CRB1: variants seen among roughly 807,000 people sequenced by gnomAD.
CRB1 encodes protein crumbs homolog 1.
CRB1 carries 83 observed loss-of-function variants against 120.0 expected under a neutral mutation model. The observed-to-expected ratio is 0.69, with a 90% confidence interval of 0.58 to 0.83. The LOEUF (loss-of-function observed/expected upper bound fraction) is 0.83, where lower values mean the gene tolerates loss of function less well. Ranked by LOEUF, CRB1 falls within the 40% of genes least tolerant of loss-of-function variation. CRB1 has a pLI of 0.00. For synonymous variants in CRB1, 625 were observed against 612.5 expected (o/e 1.02, Z -0.30); for missense variants, 1,699 against 1,687.6 (o/e 1.01, Z -0.12).
intron 11 of CRB1, among the ~76,000 whole-genome samples, chr1:197,452,921 A>G (rs1394133515): frequency 6.6e-6 from 1 of 152,216 alleles, no homozygotes; most frequent in Non-Finnish European, 1.5e-5. Context: ...TTTCAAAGAC[A>G]TATCTGCATT....
intron 5 of CRB1, chr1:197,364,044 G>A (rs1660930848): frequency 7.3e-7 from 1 of 1,373,540 alleles, no homozygotes; most frequent in Non-Finnish European, 1.0e-6. Context: ...ACTTCTTGAT[G>A]CGAAAGAATC....
At position 197,335,387 on chromosome 1, in the gene CRB1, C is replaced by T. The variant is rs374230847; in HGVS notation, c.652+6384C>T. Among the ~76,000 whole-genome samples, 15 of 152,092 alleles carry T rather than the reference C, an allele frequency of 9.9e-5. No homozygotes were observed. In the East Asian group the frequency reaches 1.9e-3, roughly 20 times the overall value. ...TATGTTGAAGATACACTGCAGGGGG[C>T]GATAAGCATGGAATTCAAGTGTCTA... On this transcript the variant is annotated intron_variant, in intron 2 of 11. Coordinates refer to ENST00000367400, the MANE Select transcript of CRB1 (RefSeq NM_201253.3).
At chr1:197,386,914 A>C (rs911174967) in intron 5 of CRB1, among the ~76,000 whole-genome samples, 3 of 152,164 alleles carry the variant, frequency 2.0e-5, no homozygotes, top group Non-Finnish European at 4.4e-5. Flanking sequence ...CCATAGTAAT[A>C]GCTATGTTTT....
At chr1:197,218,137 C>T in the CRB1 span, among the ~76,000 whole-genome samples, 2 of 152,158 alleles carry the variant, frequency 1.3e-5, no homozygotes, top group African/African-American at 4.8e-5. Context: ...TGTCATAGTG[C>T]TTGCAGACTC....
chr1:197,288,742 T>C (rs930141231), intron 1 of CRB1, among the ~76,000 whole-genome samples: 1 of 151,716 alleles, frequency 6.6e-6, no homozygotes, highest in Non-Finnish European at 1.5e-5. Context: ...GGAAGGTTAG[T>C]GATTTGAAGA....
chr1:197,295,624 T>C (rs1474322086), intron 1 of CRB1, among the ~76,000 whole-genome samples: 9 of 152,046 alleles, frequency 5.9e-5, no homozygotes, highest in Admixed American at 2.6e-4. Context: ...CTCAAGCCTT[T>C]GTGTCTGCAG....
chr1:197,263,128 TA>T, the CRB1 span, among the ~76,000 whole-genome samples: 1 of 152,224 alleles, frequency 6.6e-6, no homozygotes, highest in Non-Finnish European at 1.5e-5. Context: ...GTGGCTGAAC[TA>T]ATTTACATTC....
At chr1:197,307,372 C>A (rs945536920) in intron 1 of CRB1, among the ~76,000 whole-genome samples, 6 of 152,140 alleles carry the variant, frequency 3.9e-5, no homozygotes, top group African/African-American at 9.7e-5. Flanking sequence ...ATATGAAATT[C>A]TGTTAAGTTT....
At chr1:197,275,831 G>A (rs1655177282) in intron 1 of CRB1, among the ~76,000 whole-genome samples, 1 of 151,926 alleles carries the variant, frequency 6.6e-6, no homozygotes, top group Non-Finnish European at 1.5e-5. Flanking sequence ...ATTCAAAACA[G>A]TGATTGCAAG....
chr1:197,383,956 T>A (rs765640498), intron 5 of CRB1, among the ~76,000 whole-genome samples: 1 of 152,218 alleles, frequency 6.6e-6, no homozygotes, highest in African/African-American at 2.4e-5. Context: ...AAGAGCTTTT[T>A]AATAGACTCA....
intron 1 of CRB1, among the ~76,000 whole-genome samples, chr1:197,293,905 A>C (rs1344180410): frequency 6.6e-6 from 1 of 152,222 alleles, no homozygotes; most frequent in Non-Finnish European, 1.5e-5. Context: ...CTTATACAAA[A>C]ATTAATTCAA....
At chr1:197,327,112 A>C (rs7529608) in intron 1 of CRB1, among the ~76,000 whole-genome samples, 191 of 115,290 alleles carry the variant, frequency 1.7e-3, no homozygotes, top group African/African-American at 4.9e-3. Flanking sequence ...AAAAAAAAAA[A>C]AAAAAAAAAA....
At chr1:197,302,601 G>A (rs1336676516) in intron 1 of CRB1, among the ~76,000 whole-genome samples, 1 of 152,168 alleles carries the variant, frequency 6.6e-6, no homozygotes, top group East Asian at 1.9e-4. Flanking sequence ...CTAAATGTTA[G>A]GAGTGAAGTC....
At chr1:197,352,425 T>C (rs1279672215) in intron 4 of CRB1, among the ~76,000 whole-genome samples, 1 of 152,214 alleles carries the variant, frequency 6.6e-6, no homozygotes. Flanking sequence ...ACCTGGCTTA[T>C]GTGTGTCTCG....
Position 197,364,065 on chromosome 1 carries a change from G to A in CRB1, c.1171+7052G>A, listed in dbSNP as rs144006126. The A allele has an allele frequency of 5.9e-4, 786 of 1,321,920 alleles. 7 individuals are homozygous for A. In the African/African-American group the frequency reaches 9.7e-3, roughly 16 times the overall value. The allele number at this position is 1,321,920 out of a possible 1,614,324, so 81.9% of individuals were successfully genotyped here. A position where few individuals can be genotyped will look rare whatever the true frequency, so the allele number is the denominator to read the frequency against. Reference sequence around the variant, plus strand: ...TGATGCGAAAGAATCAGGCAGATCCGTGGCGGGGCTGCTGAGGCGGGCAGA... The same window carrying A: ...TGATGCGAAAGAATCAGGCAGATCCATGGCGGGGCTGCTGAGGCGGGCAGA... On this transcript the variant is annotated intron_variant, in intron 5 of 11. Transcript: ENST00000367400.
At chr1:197,471,741 T>C (rs2125563900) in intron 11 of CRB1, among the ~76,000 whole-genome samples, 1 of 152,328 alleles carries the variant, frequency 6.6e-6, no homozygotes, top group East Asian at 1.9e-4. Context: ...GCTATAGCAA[T>C]ATTAATTTTA....
the CRB1 span, among the ~76,000 whole-genome samples, chr1:197,216,104 C>T: frequency 6.6e-6 from 1 of 152,134 alleles, no homozygotes; most frequent in Non-Finnish European, 1.5e-5. Flanking sequence ...GTAGAGTTTC[C>T]TTTCCTTAGA....
At chr1:197,206,106 C>T in the CRB1 span, among the ~76,000 whole-genome samples, 1 of 152,114 alleles carries the variant, frequency 6.6e-6, no homozygotes, top group South Asian at 2.1e-4. Context: ...GTAATATCTC[C>T]CATTTCATTT....
the CRB1 span, among the ~76,000 whole-genome samples, chr1:197,256,929 T>TTGTG: frequency 1.8e-5 from 2 of 114,166 alleles, no homozygotes; most frequent in African/African-American, 7.6e-5. Context: ...CCTATAGGAT[T>TTGTG]TGCGTGTGTG....
Sources: gnomAD v4.1 joint callset for allele counts (sites outside exome capture counted in the v4.1 genomes callset) on GRCh38, gnomAD v4.1.1 for gene constraint, MANE v1.5 for transcripts, NCBI Gene and HGNC (gene_info 2026-07-23, HGNC 2026-07-21) for gene names.